ARID1B: variants seen among roughly 807,000 people sequenced by gnomAD.
The protein encoded by ARID1B is AT-rich interactive domain-containing protein 1B.
A neutral mutation model predicts 212.3 loss-of-function variants in ARID1B; 30 were observed. The ratio of observed to expected loss-of-function variants is 0.14; its 90% CI spans 0.11 to 0.19. ARID1B has a LOEUF of 0.19. ARID1B is among the 10% of genes least tolerant of loss of function. ARID1B has a pLI of 1.00. For synonymous variants in ARID1B, 1,402 were observed against 1,301.7 expected (o/e 1.08, Z -1.66); for missense variants, 2,891 against 3,204.0 (o/e 0.90, Z 2.36).
At position 157,148,063 on chromosome 6, in the gene ARID1B, G is replaced by A. The variant is rs1413271419; in HGVS notation, c.2762-561G>A. ...TCAAGCAAAAAAAGAAAGAAAGAAA[G>A]AAAAATATTATTCCCAACTTAGAGG... On this transcript the variant is annotated intron_variant, in intron 7 of 19. Coordinates refer to ENST00000636930, the MANE Select transcript of ARID1B (RefSeq NM_001374828.1). The surrounding 1 kb of genome is among the most constrained non-coding windows in gnomAD (Gnocchi z 5.6). Among the ~76,000 whole-genome samples, 3 of 151,534 alleles carry A rather than the reference G, an allele frequency of 2.0e-5. No individual in the cohort carries two copies. The highest frequency in any genetic ancestry group is 7.3e-5 in the African/African-American group (3 of 41,162).
intron 2 of ARID1B, among the ~76,000 whole-genome samples, chr6:156,838,644 A>G (rs1297165328): frequency 6.6e-6 from 1 of 151,932 alleles, no homozygotes; most frequent in African/African-American, 2.4e-5. Context: ...CAGCAAACCA[A>G]CATGGCACAT....
chr6:156,898,420 GCT>G (rs1788660956), intron 2 of ARID1B, among the ~76,000 whole-genome samples: 1 of 152,130 alleles, frequency 6.6e-6, no homozygotes, highest in Non-Finnish European at 1.5e-5. Flanking sequence ...TGGGGGTTGA[GCT>G]TGAGCGGTGA....
rs1457330647 is a variant in ARID1B, at chr6:157,180,377, A to G, written c.3505-592A>G. On this transcript the variant is annotated intron_variant, in intron 11 of 19. Coordinates refer to ENST00000636930, the MANE Select transcript of ARID1B (RefSeq NM_001374828.1). ...TGACCCTTAGTTTATCTAAAAAAAA[A>G]AAACAAAAAAAAACAAAAAACACAC... Among the ~76,000 whole-genome samples, 37 of 149,558 alleles carry G rather than the reference A, an allele frequency of 2.5e-4. 2 individuals carry two copies. Among genetic ancestry groups the G allele is most frequent in the Admixed American group, 2.5e-3 (37 of 15,046 alleles).
rs546076456 is a variant in ARID1B at position 156,906,583 on chromosome 6, C to A, written c.2136+5058C>A. Among the ~76,000 whole-genome samples the A allele has an allele frequency of 3.8e-4, 54 of 142,936 alleles. 2 individuals are homozygous for A. In the South Asian group the frequency reaches 0.011, roughly 30 times the overall value. 93.8% of individuals were successfully genotyped at this position (142,936 alleles called of 152,430 possible). ...AAAAAAAAAAAAAAAAAAGCACCAG[C>A]CACTTAGAAAAAGAAGCGGGGATGT... On this transcript the variant is annotated intron_variant, in intron 3 of 19. Transcript: ENST00000636930.
chr6:156,962,961 T>A (rs1002623213), intron 4 of ARID1B, among the ~76,000 whole-genome samples: 1 of 152,126 alleles, frequency 6.6e-6, no homozygotes, highest in African/African-American at 2.4e-5. Context: ...TTTTTTTATG[T>A]TAGTAGAGAC....
chr6:156,778,658 C>A lies in ARID1B; in HGVS notation c.978C>A (p.Gly326=), dbSNP rs1583024782. 1 of 1,474,014 alleles carries A rather than the reference C, an allele frequency of 6.8e-7. No individual in the cohort carries two copies. Among genetic ancestry groups the A allele is most frequent in the Non-Finnish European group, 9.0e-7 (1 of 1,109,208 alleles). 91.3% of individuals were successfully genotyped at this position (1,474,014 alleles called of 1,614,324 possible). The change falls in exon 1 of 20, where the codon GGC becomes GGA. Residue 326 remains glycine, a synonymous_variant. Transcript: ENST00000636930. The part of the protein sequence containing the change: ...YYGSAAPASG[G]PGGRAGPCFD... ...GCAGCGCTGCCCCTGCGAGCGGCGG[C>A]CCCGGCGGCCGCGCTGGGCCTTGCT...
intron 4 of ARID1B, chr6:156,939,863 A>G (rs1402873058): frequency 1.3e-5 from 2 of 152,226 alleles, no homozygotes; most frequent in East Asian, 3.8e-4. Flanking sequence ...AATTGACAGA[A>G]ATGGTAATCA....
At chr6:157,105,945 G>A (rs898558191) in intron 5 of ARID1B, among the ~76,000 whole-genome samples, 1 of 152,094 alleles carries the variant, frequency 6.6e-6, no homozygotes, top group African/African-American at 2.4e-5. Context: ...CTATTAGTGA[G>A]GTTATGGAGA....
chr6:157,103,304 T>C (rs1364668813), intron 5 of ARID1B, among the ~76,000 whole-genome samples: 1 of 152,196 alleles, frequency 6.6e-6, no homozygotes, highest in Non-Finnish European at 1.5e-5. Context: ...GTTCAAGAGA[T>C]ATAATATAGC....
intron 8 of ARID1B, among the ~76,000 whole-genome samples, chr6:157,161,325 AC>A (rs1423629915): frequency 6.6e-6 from 1 of 152,034 alleles, no homozygotes; most frequent in Non-Finnish European, 1.5e-5. Context: ...TTATTTTGCC[AC>A]CAGAATTGCT....
intron 5 of ARID1B, among the ~76,000 whole-genome samples, chr6:157,095,527 T>A (rs1785557742): frequency 6.6e-6 from 1 of 152,196 alleles, no homozygotes; most frequent in Non-Finnish European, 1.5e-5. Flanking sequence ...ACTTAGCACT[T>A]CCCCAGTGCT....
At chr6:157,050,146 C>T (rs959203454) in intron 4 of ARID1B, among the ~76,000 whole-genome samples, 3 of 152,112 alleles carry the variant, frequency 2.0e-5, no homozygotes, top group Admixed American at 6.5e-5. Flanking sequence ...CTCAGATGCC[C>T]AGAAGAATGG....
At chr6:157,040,077 G>GT (rs1302741778) in intron 4 of ARID1B, among the ~76,000 whole-genome samples, 2 of 151,924 alleles carry the variant, frequency 1.3e-5, no homozygotes, top group Non-Finnish European at 2.9e-5. Flanking sequence ...AGCCTCCTGA[G>GT]TAGCTGGGAC....
chr6:157,003,900 C>T (rs1053519212), intron 4 of ARID1B, among the ~76,000 whole-genome samples: 23 of 151,700 alleles, frequency 1.5e-4, no homozygotes, highest in Non-Finnish European at 3.1e-4. Context: ...GAGTTCAAGG[C>T]GAGGCAAGAG....
At chr6:157,162,987 G>T (rs140450196) in intron 8 of ARID1B, among the ~76,000 whole-genome samples, 1,634 of 152,296 alleles carry the variant, frequency 0.011, 22 homozygotes, top group African/African-American at 0.036. Context: ...CCAAGGGTCT[G>T]GGGGGAGGCT....
chr6:157,143,193 C>G (rs1297359712), intron 7 of ARID1B, among the ~76,000 whole-genome samples: 1 of 152,156 alleles, frequency 6.6e-6, no homozygotes, highest in Admixed American at 6.5e-5. Context: ...ACTGTGGGTC[C>G]TTGGACTTGG....
At chr6:157,179,925 A>AG (rs1026039040) in intron 11 of ARID1B, among the ~76,000 whole-genome samples, 3 of 143,684 alleles carry the variant, frequency 2.1e-5, no homozygotes, top group Non-Finnish European at 4.4e-5. Flanking sequence ...TAAAGAAAAA[A>AG]GGAAAAAAAA....
chr6:156,799,253 T>G (rs1040431745), intron 1 of ARID1B, among the ~76,000 whole-genome samples: 2 of 152,218 alleles, frequency 1.3e-5, no homozygotes, highest in Admixed American at 1.3e-4. Context: ...ATGCATTTTC[T>G]GTGAGGTAGG....
rs143236717 is a variant in ARID1B at position 157,200,941 on chromosome 6, C to T, written c.4716C>T (p.Gly1572=). 1.2e-4 allele frequency: 194 copies of T among 1,613,846 alleles called. 1 individual carries two copies. In the African/African-American group the frequency reaches 1.7e-3, roughly 14 times the overall value. ...ACGGAATCCCGCCTCAGATGATGGGCGGCCCGCTGCAGTCGTCCTCCAGTG... is the reference window on the plus strand; with the variant it reads ...ACGGAATCCCGCCTCAGATGATGGGTGGCCCGCTGCAGTCGTCCTCCAGTG... ...QTHGIPPQMM[G]GPLQSSSSEG... The change falls in exon 18 of 20, where the codon GGC becomes GGT. Residue 1572 remains glycine, a synonymous_variant. Coordinates refer to ENST00000636930, the MANE Select transcript of ARID1B (RefSeq NM_001374828.1). This position sits in a 1 kb window ranked among gnomAD's most constrained non-coding sequence, Gnocchi z 4.3.
Sources: allele counts gnomAD v4.1 joint callset (sites outside exome capture counted in the v4.1 genomes callset), GRCh38; gene constraint gnomAD v4.1.1; non-coding constraint Gnocchi (gnomAD v3.1); transcripts MANE v1.5; gene names NCBI Gene and HGNC (gene_info 2026-07-23, HGNC 2026-07-21).